Variants in RGS17 observed in about 807,000 individuals in gnomAD.
RGS17 encodes the protein regulator of G protein signaling 17, also known as regulator of G-protein signaling 17.
A neutral mutation model predicts 25.5 loss-of-function variants in RGS17; 12 were observed. The ratio of observed to expected loss-of-function variants is 0.47; its 90% confidence interval spans 0.30 to 0.76. The LOEUF is 0.76. RGS17 is among the 30% of genes least tolerant of loss of function. The pLI is 0.07. For synonymous variants in RGS17, 71 were observed against 76.9 expected, an observed-to-expected ratio of 0.92 and a Z score of 0.40; for missense variants, 196 against 242.2, an observed-to-expected ratio of 0.81 and a Z score of 1.27.
chr6:153,053,988 TATAATATATATACATATATAC>T (rs1776505823), intron 1 of RGS17, among the ~76,000 whole-genome samples: 1 of 53,644 alleles, frequency 1.9e-5, no homozygotes, highest in African/African-American at 1.4e-4. Context: ...TATATATGTA[TATAATATATATACATATATAC>T]GTATATATGT....
chr6:153,081,930 G>A (rs1440769856), intron 1 of RGS17, among the ~76,000 whole-genome samples: 1 of 152,080 alleles, frequency 6.6e-6, no homozygotes, highest in African/African-American at 2.4e-5. Flanking sequence ...AGTTCTGTTT[G>A]ACACATATTT....
chr6:153,023,340 CA>C, intron 4 of RGS17: 2 of 503,492 alleles, frequency 4.0e-6, no homozygotes, highest in Admixed American at 2.0e-5. Flanking sequence ...TTAGGAGAAA[CA>C]AAAAAGACAA....
rs1779118284 is a variant in RGS17 at position 153,010,412 on chromosome 6, T to C, written c.*1162A>G. 1 of 147,534 alleles carries C rather than the reference T, an allele frequency of 6.8e-6. No individual in the cohort carries two copies. The highest frequency in any genetic ancestry group is 2.4e-5 in the African/African-American group (1 of 41,142). 9.1% of individuals were successfully genotyped at this position (147,534 alleles called of 1,614,324 possible). A position where few individuals can be genotyped will look rare whatever the true frequency, so the allele number is the denominator to read the frequency against. On this transcript the variant is annotated 3_prime_UTR_variant, in exon 5 of 5. Coordinates refer to ENST00000206262, the MANE Select transcript of RGS17 (RefSeq NM_012419.5). Reference sequence around the variant, plus strand: ...CTGCCTTTTAATGATGGATGAAAACTAATAGTTTGGTTTAAACATCTTTAA... The same window carrying C: ...CTGCCTTTTAATGATGGATGAAAACCAATAGTTTGGTTTAAACATCTTTAA...
At chr6:153,058,126 A>AT (rs774552995) in intron 1 of RGS17, among the ~76,000 whole-genome samples, 4 of 152,226 alleles carry the variant, frequency 2.6e-5, no homozygotes, top group Non-Finnish European at 2.9e-5. Flanking sequence ...AATTTGACAC[A>AT]TAAATACTTG....
At chr6:153,083,306 T>C (rs1777009179) in intron 1 of RGS17, among the ~76,000 whole-genome samples, 1 of 152,222 alleles carries the variant, frequency 6.6e-6, no homozygotes, top group African/African-American at 2.4e-5. Context: ...CTATGAAAAT[T>C]AGTTTTCTTC....
At chr6:153,093,334 T>A (rs1355963348) in intron 1 of RGS17, among the ~76,000 whole-genome samples, 3 of 152,190 alleles carry the variant, frequency 2.0e-5, no homozygotes, top group Non-Finnish European at 4.4e-5. Context: ...TTTCTCTGTA[T>A]CTCTGAAACT....
intron 1 of RGS17, among the ~76,000 whole-genome samples, chr6:153,119,048 TC>T (rs1433234536): frequency 1.1e-4 from 16 of 152,206 alleles, no homozygotes; most frequent in Non-Finnish European, 4.4e-5. Flanking sequence ...TTAGTTTCCT[TC>T]TTTTTCCACA....
intron 1 of RGS17, among the ~76,000 whole-genome samples, chr6:153,063,355 A>C (rs913705285): frequency 6.6e-6 from 1 of 152,186 alleles, no homozygotes; most frequent in African/African-American, 2.4e-5. Context: ...GGAATTCAGA[A>C]TTCTATCAGA....
At chr6:153,117,987 G>C (rs1777567698) in intron 1 of RGS17, among the ~76,000 whole-genome samples, 1 of 152,218 alleles carries the variant, frequency 6.6e-6, no homozygotes, top group Non-Finnish European at 1.5e-5. Flanking sequence ...GACCACATTA[G>C]GAAGACAGTT....
At chr6:153,075,865 C>G (rs1344278812) in intron 1 of RGS17, among the ~76,000 whole-genome samples, 1 of 152,048 alleles carries the variant, frequency 6.6e-6, no homozygotes, top group Non-Finnish European at 1.5e-5. Flanking sequence ...TTCATACATA[C>G]CTGCATACAC....
chr6:153,081,018 A>G (rs1471379000), intron 1 of RGS17, among the ~76,000 whole-genome samples: 1 of 152,082 alleles, frequency 6.6e-6, no homozygotes, highest in African/African-American at 2.4e-5. Context: ...TAATTGGTTA[A>G]TGGCTCAGCA....
chr6:153,120,534 C>G (rs1483647845), intron 1 of RGS17, among the ~76,000 whole-genome samples: 1 of 152,182 alleles, frequency 6.6e-6, no homozygotes. Context: ...CTCACCTGGA[C>G]AGCTGAAATT....
At chr6:153,077,869 T>C (rs575655717) in intron 1 of RGS17, among the ~76,000 whole-genome samples, 3 of 129,192 alleles carry the variant, frequency 2.3e-5, no homozygotes, top group African/African-American at 8.7e-5. Flanking sequence ...TGACTTACAG[T>C]ATCTTTTTTA....
chr6:153,094,415 G>A (rs1777177397), intron 1 of RGS17, among the ~76,000 whole-genome samples: 1 of 151,926 alleles, frequency 6.6e-6, no homozygotes, highest in South Asian at 2.1e-4. Flanking sequence ...ATTTAAAGTT[G>A]GTAATTAGAT....
At chr6:153,112,500 C>T (rs1777486337) in intron 1 of RGS17, among the ~76,000 whole-genome samples, 1 of 152,182 alleles carries the variant, frequency 6.6e-6, no homozygotes, top group African/African-American at 2.4e-5. Context: ...AAACACTCTT[C>T]AGGATATTAT....
At chr6:153,092,276 T>C (rs1052229440) in intron 1 of RGS17, among the ~76,000 whole-genome samples, 4 of 152,350 alleles carry the variant, frequency 2.6e-5, no homozygotes, top group Middle Eastern at 3.4e-3. Context: ...CATGTTGATA[T>C]ATCTAAACAC....
intron 1 of RGS17, among the ~76,000 whole-genome samples, chr6:153,114,120 CA>C (rs1468065346): frequency 2.0e-5 from 3 of 151,762 alleles, no homozygotes; most frequent in African/African-American, 4.8e-5. Context: ...AAAACCCCTT[CA>C]AAAAAATCAA....
intron 1 of RGS17, among the ~76,000 whole-genome samples, chr6:153,062,483 T>C (rs1274988056): frequency 6.6e-6 from 1 of 152,198 alleles, no homozygotes; most frequent in African/African-American, 2.4e-5. Flanking sequence ...AGGCTGGAAC[T>C]TGAGTTCCCT....
At chr6:153,089,795 T>C (rs992853585) in intron 1 of RGS17, among the ~76,000 whole-genome samples, 1 of 152,192 alleles carries the variant, frequency 6.6e-6, no homozygotes, top group Non-Finnish European at 1.5e-5. Flanking sequence ...TACCTGTATA[T>C]GTAATATAAG....
Sources: gnomAD v4.1 joint callset for allele counts (sites outside exome capture counted in the v4.1 genomes callset) on GRCh38, gnomAD v4.1.1 for gene constraint, MANE v1.5 for transcripts, NCBI Gene and HGNC (gene_info 2026-07-23, HGNC 2026-07-21) for gene names.